Variants in NTM observed in about 807,000 individuals in gnomAD.
NTM encodes the protein neurotrimin.
A neutral mutation model predicts 42.1 loss-of-function variants in NTM; 13 were observed. The ratio of observed to expected loss-of-function variants is 0.31; its 90% CI spans 0.20 to 0.49. The LOEUF (loss-of-function observed/expected upper bound fraction) is 0.49. NTM is among the 20% of genes least tolerant of loss of function. NTM has a pLI of 0.99. For missense variants in NTM, 373 were observed against 452.8 expected (o/e 0.82, Z 1.60); for synonymous variants, 187 against 179.2 (o/e 1.04, Z -0.35).
intron 7 of NTM, among the ~76,000 whole-genome samples, chr11:132,319,654 C>T (rs2095514819): frequency 6.6e-6 from 1 of 152,246 alleles, no homozygotes; most frequent in Non-Finnish European, 1.5e-5. Flanking sequence ...CACCACAGCT[C>T]CAGGAGGCCT....
intron 3 of NTM, among the ~76,000 whole-genome samples, chr11:132,155,570 G>C (rs2073008144): frequency 6.6e-6 from 1 of 152,174 alleles, no homozygotes; most frequent in Non-Finnish European, 1.5e-5. Context: ...CTGGCCTTCT[G>C]ACCTGGTGCT....
chr11:131,492,555 C>T (rs1323439491), intron 1 of NTM, among the ~76,000 whole-genome samples: 2 of 152,172 alleles, frequency 1.3e-5, no homozygotes, highest in Non-Finnish European at 2.9e-5. Context: ...GCCACACTCT[C>T]TCCTGCACAA....
At chr11:131,918,701 A>G (rs889060292) in intron 2 of NTM, among the ~76,000 whole-genome samples, 2 of 152,064 alleles carry the variant, frequency 1.3e-5, no homozygotes, top group African/African-American at 4.8e-5. Context: ...CTAGAGACCC[A>G]GTGAGTTTGG....
At chr11:132,145,391 G>T (rs946391298) in intron 2 of NTM, among the ~76,000 whole-genome samples, 1 of 131,720 alleles carries the variant, frequency 7.6e-6, no homozygotes, top group African/African-American at 2.7e-5. Flanking sequence ...TTATAGTCAG[G>T]ATCAGGACAC....
chr11:131,647,798 A>G (rs2065951034), intron 1 of NTM, among the ~76,000 whole-genome samples: 1 of 152,152 alleles, frequency 6.6e-6, no homozygotes, highest in Non-Finnish European at 1.5e-5. Context: ...AGAAAAAGTT[A>G]ATGTATGTGT....
chr11:132,145,463 T>C (rs1376954700), intron 2 of NTM, among the ~76,000 whole-genome samples: 1 of 152,132 alleles, frequency 6.6e-6, no homozygotes, highest in South Asian at 2.1e-4. Context: ...GGGAAATGAA[T>C]ACAGACAGAA....
intron 4 of NTM, among the ~76,000 whole-genome samples, chr11:132,244,654 T>A (rs186685514): frequency 3.9e-5 from 6 of 152,340 alleles, no homozygotes; most frequent in African/African-American, 9.6e-5. Context: ...GGGACACACA[T>A]GTCTTCTGAT....
chr11:131,781,969 C>T (rs2088228270), intron 1 of NTM, among the ~76,000 whole-genome samples: 1 of 152,130 alleles, frequency 6.6e-6, no homozygotes, highest in Non-Finnish European at 1.5e-5. Context: ...ACAGGGTGAA[C>T]CTGCACACAG....
intron 1 of NTM, among the ~76,000 whole-genome samples, chr11:131,607,328 G>A (rs1443185538): frequency 6.6e-6 from 1 of 152,110 alleles, no homozygotes; most frequent in Non-Finnish European, 1.5e-5. Flanking sequence ...CCTCTCTGCT[G>A]TTTTGCGGTT....
At chr11:132,327,297 A>G (rs375135524) in intron 7 of NTM, among the ~76,000 whole-genome samples, 13 of 152,208 alleles carry the variant, frequency 8.5e-5, no homozygotes, top group African/African-American at 3.1e-4. Flanking sequence ...TGATGGTATC[A>G]GTGGGCTGGT....
chr11:132,006,237 G>A (rs760674581), intron 2 of NTM, among the ~76,000 whole-genome samples: 1 of 152,136 alleles, frequency 6.6e-6, no homozygotes, highest in Non-Finnish European at 1.5e-5. Flanking sequence ...CCTAGCACCC[G>A]CATCTCTCAA....
At chr11:131,889,891 T>C (rs1447160487) in intron 1 of NTM, among the ~76,000 whole-genome samples, 1 of 152,130 alleles carries the variant, frequency 6.6e-6, no homozygotes, top group Non-Finnish European at 1.5e-5. Context: ...TGGATGTCTC[T>C]GCAGGAACCC....
rs191217175 is a variant in NTM, at chr11:131,812,534, G to A, written c.83-99030G>A. 5.6e-3 allele frequency among the ~76,000 whole-genome samples: 846 copies of A among 152,024 alleles called. 12 individuals carry two copies. The highest frequency in any genetic ancestry group is 0.019 in the African/African-American group (792 of 41,418). ...TCCTCCTCCATACAATGTACACCAG[G>A]CATTGTGCTAGGGACTGGGGCACAA... On this transcript the variant is annotated intron_variant, in intron 1 of 8. Transcript: ENST00000683400.
intron 1 of NTM, among the ~76,000 whole-genome samples, chr11:131,904,498 T>C (rs990440708): frequency 1.1e-4 from 17 of 152,150 alleles, no homozygotes; most frequent in Non-Finnish European, 8.8e-5. Flanking sequence ...AATCCCTGAA[T>C]GTAGAAATTA....
At position 131,775,403 on chromosome 11, in the gene NTM, C is replaced by T. The variant is rs183132187; in HGVS notation, c.83-136161C>T. 2.0e-5 allele frequency among the ~76,000 whole-genome samples: 3 copies of T among 152,316 alleles called. No homozygotes were observed. The East Asian group carries it at 5.8e-4, about 29-fold the overall frequency. ...AAGGAAAAAGATTATGTGTCTCCTTCCTGGAAGTGGACTTCTCTGCCAGGC... is the reference window on the plus strand; with the variant it reads ...AAGGAAAAAGATTATGTGTCTCCTTTCTGGAAGTGGACTTCTCTGCCAGGC... On this transcript the variant is annotated intron_variant, in intron 1 of 8. Transcript: ENST00000683400.
intron 1 of NTM, among the ~76,000 whole-genome samples, chr11:131,691,780 C>T (rs1592578617): frequency 6.6e-6 from 1 of 152,202 alleles, no homozygotes; most frequent in Non-Finnish European, 1.5e-5. Flanking sequence ...GGTCCCGGGG[C>T]TGGGAGGGAG....
intron 1 of NTM, among the ~76,000 whole-genome samples, chr11:131,819,505 T>G (rs760500629): frequency 6.6e-5 from 10 of 152,206 alleles, no homozygotes; most frequent in Non-Finnish European, 1.2e-4. Context: ...AAACATTACT[T>G]TAGCAAGAGA....
intron 2 of NTM, among the ~76,000 whole-genome samples, chr11:131,969,123 T>C (rs1286477931): frequency 6.6e-6 from 1 of 152,206 alleles, no homozygotes; most frequent in African/African-American, 2.4e-5. Flanking sequence ...TAAGGAATAA[T>C]AGTACAAAGA....
intron 1 of NTM, among the ~76,000 whole-genome samples, chr11:131,564,928 T>C (rs1166621510): frequency 6.6e-6 from 1 of 152,228 alleles, no homozygotes; most frequent in African/African-American, 2.4e-5. Flanking sequence ...CGTCTGCCCA[T>C]GTGTGCACTG....
Sources: allele counts gnomAD v4.1 joint callset (sites outside exome capture counted in the v4.1 genomes callset), GRCh38; gene constraint gnomAD v4.1.1; transcripts MANE v1.5; gene names NCBI Gene and HGNC (gene_info 2026-07-23, HGNC 2026-07-21).